The following SLC25A21 variants were observed in gnomAD, a reference collection of about 807,000 sequenced individuals.
The protein encoded by SLC25A21 is solute carrier family 25 member 21.
A neutral mutation model predicts 43.8 loss-of-function variants in SLC25A21; 47 were observed. That is an observed-to-expected ratio of 1.07 (90% CI 0.85 to 1.37). SLC25A21 has a LOEUF of 1.37. Ranked by LOEUF, SLC25A21 falls within the 40% of genes most tolerant of loss-of-function variation. SLC25A21 has a pLI of 0.00. For missense variants in SLC25A21, 352 were observed against 350.2 expected (o/e 1.00, Z -0.04); for synonymous variants, 131 against 121.3 (o/e 1.08, Z -0.52).
At chr14:36,736,228 C>T (rs184946470) in intron 3 of SLC25A21, among the ~76,000 whole-genome samples, 1 of 152,216 alleles carries the variant, frequency 6.6e-6, no homozygotes, top group Non-Finnish European at 1.5e-5. Flanking sequence ...AGCCACCGTG[C>T]CCAGCCTGCC....
chr14:36,949,972 G>A (rs540299204), intron 1 of SLC25A21, among the ~76,000 whole-genome samples: 4 of 152,240 alleles, frequency 2.6e-5, no homozygotes, highest in Non-Finnish European at 5.9e-5. Context: ...CTTTTCCAAA[G>A]TACATATCAG....
At chr14:36,703,364 G>C (rs2139173957) in intron 7 of SLC25A21, among the ~76,000 whole-genome samples, 1 of 152,220 alleles carries the variant, frequency 6.6e-6, no homozygotes, top group African/African-American at 2.4e-5. Flanking sequence ...AGTGGGTCTG[G>C]CACCACCCTC....
chr14:36,986,353 T>C (rs1320226070), intron 1 of SLC25A21, among the ~76,000 whole-genome samples: 3 of 152,154 alleles, frequency 2.0e-5, no homozygotes, highest in Non-Finnish European at 4.4e-5. Context: ...TTATCCTAAG[T>C]CTATTCACTT....
intron 1 of SLC25A21, among the ~76,000 whole-genome samples, chr14:37,091,866 G>A (rs1423774975): frequency 6.6e-6 from 1 of 152,112 alleles, no homozygotes; most frequent in African/African-American, 2.4e-5. Flanking sequence ...AGTGACTCAC[G>A]CCTGTAATCC....
At chr14:36,971,725 T>G (rs1959754343) in intron 1 of SLC25A21, among the ~76,000 whole-genome samples, 1 of 152,114 alleles carries the variant, frequency 6.6e-6, no homozygotes, top group South Asian at 2.1e-4. Context: ...CTAATCTTCT[T>G]GGCGCCACAC....
chr14:37,105,876 G>A (rs1962901952), intron 1 of SLC25A21, among the ~76,000 whole-genome samples: 1 of 152,120 alleles, frequency 6.6e-6, no homozygotes, highest in South Asian at 2.1e-4. Flanking sequence ...TCATGTACAT[G>A]CCAATAATGC....
intron 1 of SLC25A21, among the ~76,000 whole-genome samples, chr14:37,059,912 AC>A (rs1445974434): frequency 2.0e-5 from 3 of 152,190 alleles, no homozygotes; most frequent in Non-Finnish European, 4.4e-5. Context: ...AGTGGCACAA[AC>A]AAAAGTGTGT....
At chr14:37,138,582 T>C (rs1373874270) in intron 1 of SLC25A21, among the ~76,000 whole-genome samples, 1 of 152,156 alleles carries the variant, frequency 6.6e-6, no homozygotes, top group Non-Finnish European at 1.5e-5. Flanking sequence ...TTTGTTCATA[T>C]ACATTAATTT....
At chr14:36,777,551 GA>G (rs1396588723) in intron 3 of SLC25A21, among the ~76,000 whole-genome samples, 1 of 152,146 alleles carries the variant, frequency 6.6e-6, no homozygotes, top group Non-Finnish European at 1.5e-5. Context: ...GCCAAAAAAT[GA>G]GAAGATACTC....
intron 1 of SLC25A21, among the ~76,000 whole-genome samples, chr14:37,017,424 T>C (rs1334743902): frequency 6.6e-6 from 1 of 152,124 alleles, no homozygotes; most frequent in Admixed American, 6.6e-5. Context: ...ACATGGTTCA[T>C]GGTGCTCAAA....
chr14:37,170,619 G>A (rs550221829), intron 1 of SLC25A21, among the ~76,000 whole-genome samples: 1 of 152,214 alleles, frequency 6.6e-6, no homozygotes, highest in Admixed American at 6.5e-5. Flanking sequence ...AACTGAAAGA[G>A]CAAGCAGTGG....
chr14:36,896,122 C>T (rs1427120589), intron 1 of SLC25A21, among the ~76,000 whole-genome samples: 1 of 152,096 alleles, frequency 6.6e-6, no homozygotes, highest in East Asian at 1.9e-4. Flanking sequence ...GTTGATCTGT[C>T]TAATGTTGAC....
At chr14:36,926,848 T>C (rs781038039) in intron 1 of SLC25A21, among the ~76,000 whole-genome samples, 1 of 152,182 alleles carries the variant, frequency 6.6e-6, no homozygotes, top group African/African-American at 2.4e-5. Flanking sequence ...GGCATTTCTA[T>C]AGTAATTCTG....
At chr14:37,014,212 A>G (rs1566815260) in intron 1 of SLC25A21, among the ~76,000 whole-genome samples, 1 of 152,108 alleles carries the variant, frequency 6.6e-6, no homozygotes, top group Non-Finnish European at 1.5e-5. Flanking sequence ...TCCTTTCACA[A>G]AAGATTTTTC....
intron 1 of SLC25A21, among the ~76,000 whole-genome samples, chr14:37,161,994 AT>A (rs1963952089): frequency 6.7e-6 from 1 of 149,828 alleles, no homozygotes; most frequent in African/African-American, 2.4e-5. Flanking sequence ...GAAATCTAAT[AT>A]TAAAAAAAAA....
intron 1 of SLC25A21, among the ~76,000 whole-genome samples, chr14:36,892,249 G>T (rs535826233): frequency 7.2e-5 from 11 of 152,052 alleles, no homozygotes; most frequent in Non-Finnish European, 1.6e-4. Context: ...TCCTACTACT[G>T]AGTATATATA....
intron 1 of SLC25A21, among the ~76,000 whole-genome samples, chr14:36,927,321 G>A (rs995374010): frequency 1.3e-5 from 2 of 152,032 alleles, no homozygotes; most frequent in African/African-American, 2.4e-5. Flanking sequence ...TCATAAAACC[G>A]TATTTTAGAC....
intron 1 of SLC25A21, among the ~76,000 whole-genome samples, chr14:36,895,122 C>T (rs1013882333): frequency 2.6e-5 from 4 of 152,150 alleles, no homozygotes; most frequent in African/African-American, 7.2e-5. Flanking sequence ...ATGGTATCAG[C>T]TCCTCCTTAT....
At chr14:37,116,790 T>A (rs1963114938) in intron 1 of SLC25A21, among the ~76,000 whole-genome samples, 2 of 152,190 alleles carry the variant, frequency 1.3e-5, no homozygotes, top group South Asian at 4.1e-4. Flanking sequence ...AATCCCACTG[T>A]CAATGATAAT....
Sources: allele counts gnomAD v4.1 joint callset (sites outside exome capture counted in the v4.1 genomes callset), GRCh38; gene constraint gnomAD v4.1.1; transcripts MANE v1.5; gene names NCBI Gene and HGNC (gene_info 2026-07-23, HGNC 2026-07-21).